DNM3: variants seen among roughly 807,000 people sequenced by gnomAD.
The protein encoded by DNM3 is dynamin 3, also known as dynamin-3.
A neutral mutation model predicts 101.6 loss-of-function variants in DNM3; 47 were observed. The observed-to-expected ratio is 0.46, with a 90% confidence interval of 0.37 to 0.59. The LOEUF (loss-of-function observed/expected upper bound fraction) is 0.59. Among genes scored for constraint, DNM3 ranks in the 20% least tolerant of loss-of-function variants. DNM3 has a pLI of 0.00. For synonymous variants in DNM3, 385 were observed against 387.9 expected (o/e 0.99, Z 0.09); for missense variants, 849 against 1,085.7 (o/e 0.78, Z 3.06).
At chr1:172,386,695 G>A (rs2069197175) in intron 18 of DNM3, 1 of 157,114 alleles carries the variant, frequency 6.4e-6, no homozygotes, top group South Asian at 1.9e-4. Context: ...GCTAGGGAAA[G>A]GACTGCGAAT....
chr1:172,001,431 G>A (rs927418142), intron 4 of DNM3, among the ~76,000 whole-genome samples: 23 of 151,946 alleles, frequency 1.5e-4, no homozygotes, highest in African/African-American at 5.6e-4. Context: ...GGTGTTGATT[G>A]ATTACTTGAT....
At chr1:172,333,810 C>T (rs2066298660) in intron 17 of DNM3, among the ~76,000 whole-genome samples, 1 of 152,052 alleles carries the variant, frequency 6.6e-6, no homozygotes, top group African/African-American at 2.4e-5. Flanking sequence ...AATTGTGAAA[C>T]AAAAGGATAT....
At chr1:171,880,284 T>G (rs2036149856) in intron 1 of DNM3, among the ~76,000 whole-genome samples, 1 of 152,208 alleles carries the variant, frequency 6.6e-6, no homozygotes, top group African/African-American at 2.4e-5. Flanking sequence ...TTGTTTGCAT[T>G]ATCTGAGAAT....
At chr1:172,304,206 C>CAAAAAGAAAAAAAAAA (rs2064642137) in intron 15 of DNM3, among the ~76,000 whole-genome samples, 1 of 36,408 alleles carries the variant, frequency 2.7e-5, no homozygotes, top group Admixed American at 2.6e-4. Flanking sequence ...AAAAGGAAAG[C>CAAAAAGAAAAAAAAAA]AAAAAAAAAA....
intron 1 of DNM3, among the ~76,000 whole-genome samples, chr1:171,894,164 G>A (rs1038282432): frequency 6.6e-6 from 1 of 151,086 alleles, no homozygotes; most frequent in Non-Finnish European, 1.5e-5. Context: ...TACCATGTTG[G>A]CCAGGCTGGT....
At chr1:172,058,499 C>G (rs2050846029) in intron 10 of DNM3, among the ~76,000 whole-genome samples, 1 of 151,966 alleles carries the variant, frequency 6.6e-6, no homozygotes, top group South Asian at 2.1e-4. Context: ...AACTATCTCT[C>G]AGACCACAGT....
At chr1:172,306,859 C>T (rs1051019390) in intron 15 of DNM3, among the ~76,000 whole-genome samples, 1 of 152,132 alleles carries the variant, frequency 6.6e-6, no homozygotes, top group Non-Finnish European at 1.5e-5. Flanking sequence ...TTCCTTACAC[C>T]TTATAGAAAA....
intron 1 of DNM3, among the ~76,000 whole-genome samples, chr1:171,890,221 A>G (rs2037148643): frequency 6.6e-6 from 1 of 152,182 alleles, no homozygotes; most frequent in South Asian, 2.1e-4. Flanking sequence ...ATTGGGAACT[A>G]AAAATAATAT....
At chr1:172,307,468 A>T (rs1037333752) in intron 15 of DNM3, among the ~76,000 whole-genome samples, 1 of 152,216 alleles carries the variant, frequency 6.6e-6, no homozygotes, top group Non-Finnish European at 1.5e-5. Flanking sequence ...CAGTGTGGTG[A>T]TTCCTCAAGG....
chr1:172,113,211 C>G lies in DNM3; in HGVS notation c.1546-17964C>G, dbSNP rs144822958. 3.6e-3 allele frequency among the ~76,000 whole-genome samples: 547 copies of G among 152,034 alleles called. 7 individuals are homozygous for G. The highest frequency in any genetic ancestry group is 0.013 in the African/African-American group (523 of 41,496). On this transcript the variant is annotated intron_variant, in intron 13 of 20. Coordinates refer to ENST00000627582, the MANE Select transcript of DNM3 (RefSeq NM_015569.5). ...TCAGAAAATAAACTCCAAGAATGAC[C>G]ACTGTTATTTTAAATTTTATCTTGG...
chr1:172,248,566 A>T (rs115108168), intron 14 of DNM3, among the ~76,000 whole-genome samples: 242 of 152,208 alleles, frequency 1.6e-3, no homozygotes, highest in African/African-American at 5.6e-3. Context: ...ATGATGTGCT[A>T]TAATCAGGAG....
intron 15 of DNM3, among the ~76,000 whole-genome samples, chr1:172,265,725 G>C (rs1408543658): frequency 2.0e-5 from 3 of 152,114 alleles, no homozygotes; most frequent in Non-Finnish European, 4.4e-5. Context: ...GCCTCACTGT[G>C]CTTCTCTCGG....
At chr1:172,252,355 G>A (rs2062206657) in intron 14 of DNM3, among the ~76,000 whole-genome samples, 1 of 152,114 alleles carries the variant, frequency 6.6e-6, no homozygotes, top group South Asian at 2.1e-4. Context: ...AATACAACAT[G>A]TTACCCACAA....
intron 20 of DNM3, among the ~76,000 whole-genome samples, chr1:172,404,647 C>T (rs1269323178): frequency 6.6e-6 from 1 of 152,042 alleles, no homozygotes. Flanking sequence ...TCCAATTTCA[C>T]TCATTATAGA....
intron 4 of DNM3, among the ~76,000 whole-genome samples, chr1:172,029,415 A>G (rs2125787543): frequency 6.6e-6 from 1 of 152,344 alleles, no homozygotes; most frequent in East Asian, 1.9e-4. Context: ...TCAAAATAAT[A>G]AGAGCTATTT....
intron 2 of DNM3, among the ~76,000 whole-genome samples, chr1:171,969,537 A>G (rs1456939554): frequency 6.6e-6 from 1 of 152,168 alleles, no homozygotes; most frequent in Non-Finnish European, 1.5e-5. Context: ...GGACATGGTG[A>G]TGACTCCTAG....
rs561620077 is a variant in DNM3, at chr1:172,103,302, G to A, written c.1545+10427G>A. On this transcript the variant is annotated intron_variant, in intron 13 of 20. Transcript: ENST00000627582. ...AAAATTGTAAACTCTACCAAGGCAA[G>A]GATTTTTGTCTCTTTTGCTTATTAA... 2.0e-5 allele frequency among the ~76,000 whole-genome samples: 3 copies of A among 152,250 alleles called. No individual in the cohort carries two copies. In the South Asian group the frequency reaches 6.2e-4, roughly 32 times the overall value.
At chr1:172,278,419 G>A (rs1174863152) in intron 15 of DNM3, among the ~76,000 whole-genome samples, 15 of 151,976 alleles carry the variant, frequency 9.9e-5, no homozygotes, top group Admixed American at 9.8e-4. Flanking sequence ...TAGCTGATGA[G>A]CTAAAAAAAA....
intron 15 of DNM3, among the ~76,000 whole-genome samples, chr1:172,304,269 A>C (rs1269998871): frequency 2.0e-5 from 3 of 149,416 alleles, no homozygotes; most frequent in Non-Finnish European, 4.4e-5. Flanking sequence ...TTAAACCAAC[A>C]AAGATCAAAA....
Sources: gnomAD v4.1 joint callset for allele counts (sites outside exome capture counted in the v4.1 genomes callset) on GRCh38, gnomAD v4.1.1 for gene constraint, MANE v1.5 for transcripts, NCBI Gene and HGNC (gene_info 2026-07-23, HGNC 2026-07-21) for gene names.